Variants in LRRC4C observed in about 807,000 individuals in gnomAD.
LRRC4C encodes the protein leucine-rich repeat-containing protein 4C.
In LRRC4C, 5 loss-of-function variants were observed where a neutral mutation model predicts 33.6. The ratio of observed to expected loss-of-function variants is 0.15; its 90% confidence interval spans 0.08 to 0.31. The LOEUF is 0.31. LRRC4C is among the 10% of genes least tolerant of loss of function. The pLI is 1.00. For missense variants in LRRC4C, 560 were observed against 796.7 expected, an observed-to-expected ratio of 0.70 and a Z score of 3.58; for synonymous variants, 329 against 302.0, an observed-to-expected ratio of 1.09 and a Z score of -0.93.
chr11:40,372,033 A>G (rs1359329237), intron 3 of LRRC4C, among the ~76,000 whole-genome samples: 1 of 152,178 alleles, frequency 6.6e-6, no homozygotes, highest in African/African-American at 2.4e-5. Context: ...GGTTCATGAG[A>G]TGAAATAAAC....
chr11:40,491,035 G>A (rs527297095), intron 3 of LRRC4C, among the ~76,000 whole-genome samples: 3 of 152,224 alleles, frequency 2.0e-5, no homozygotes, highest in South Asian at 4.1e-4. Context: ...TGCAACTCCT[G>A]CACTTTGGAA....
chr11:40,801,534 A>G (rs1394345593), intron 2 of LRRC4C, among the ~76,000 whole-genome samples: 2 of 152,144 alleles, frequency 1.3e-5, no homozygotes, highest in East Asian at 1.9e-4. Context: ...TTTGTTTACC[A>G]CTGTATGCTG....
At chr11:40,916,950 A>G (rs1376797604) in intron 2 of LRRC4C, among the ~76,000 whole-genome samples, 2 of 152,152 alleles carry the variant, frequency 1.3e-5, no homozygotes, top group East Asian at 1.9e-4. Flanking sequence ...TTAGAAGAAA[A>G]CTAAATATAA....
intron 1 of LRRC4C, among the ~76,000 whole-genome samples, chr11:41,227,418 C>A (rs989234566): frequency 1.3e-4 from 20 of 152,110 alleles, no homozygotes; most frequent in African/African-American, 4.8e-4. Context: ...ATGAGAATTA[C>A]ATATTCCAAA....
chr11:41,344,494 A>T (rs928102167), intron 1 of LRRC4C, among the ~76,000 whole-genome samples: 6 of 152,190 alleles, frequency 3.9e-5, no homozygotes, highest in Admixed American at 1.3e-4. Flanking sequence ...TGCTGGGATT[A>T]CAGGCGTGAG....
rs200675477 is a variant in LRRC4C, at chr11:41,371,223, AT to A, written c.-496+88207del. Among the ~76,000 whole-genome samples the A allele has an allele frequency of 2.9e-3, 435 of 152,330 alleles. 1 individual carries two copies. Among genetic ancestry groups the A allele is most frequent in the African/African-American group, 8.7e-3 (362 of 41,576 alleles). On this transcript the variant is annotated intron_variant, in intron 1 of 6. Coordinates refer to ENST00000528697, the MANE Select transcript of LRRC4C (RefSeq NM_001258419.2). ...ACTCTTGGGAGCTATGACTGATAAA[AT>A]GTCCAAAACAATTTATTACATTTGA...
chr11:40,784,080 T>TTATA (rs10691904), intron 2 of LRRC4C, among the ~76,000 whole-genome samples: 230 of 150,742 alleles, frequency 1.5e-3, no homozygotes, highest in African/African-American at 3.1e-3. Flanking sequence ...AGATGTTTAT[T>TTATA]TATATATATA....
At chr11:40,342,016 T>C (rs1004789841) in intron 3 of LRRC4C, among the ~76,000 whole-genome samples, 1 of 149,362 alleles carries the variant, frequency 6.7e-6, no homozygotes, top group Admixed American at 6.7e-5. Context: ...AAAAACAAAA[T>C]AAGTCTTTTT....
chr11:40,988,717 T>C (rs1163316289), intron 1 of LRRC4C, among the ~76,000 whole-genome samples: 3 of 121,106 alleles, frequency 2.5e-5, no homozygotes, highest in African/African-American at 1.3e-4. Flanking sequence ...TCTTTTCTTT[T>C]TTTTTTTTTT....
chr11:40,702,744 C>T (rs1274272853), intron 2 of LRRC4C, among the ~76,000 whole-genome samples: 10 of 152,024 alleles, frequency 6.6e-5, no homozygotes, highest in Non-Finnish European at 4.4e-5. Context: ...GCATCTCCAT[C>T]TTTGAGCTAC....
intron 3 of LRRC4C, among the ~76,000 whole-genome samples, chr11:40,334,214 C>T (rs930818182): frequency 6.6e-6 from 1 of 151,958 alleles, no homozygotes; most frequent in Non-Finnish European, 1.5e-5. Context: ...GGTCTTAAGA[C>T]TGTTACATGA....
At chr11:41,251,540 A>C (rs762916137) in intron 1 of LRRC4C, among the ~76,000 whole-genome samples, 2 of 152,220 alleles carry the variant, frequency 1.3e-5, no homozygotes, top group African/African-American at 2.4e-5. Flanking sequence ...TAGCACTCAC[A>C]GCTTAATAGA....
intron 3 of LRRC4C, among the ~76,000 whole-genome samples, chr11:40,633,282 A>G (rs558764259): frequency 1.4e-5 from 2 of 140,974 alleles, no homozygotes; most frequent in African/African-American, 6.4e-5. Context: ...TGGGCTTTGC[A>G]ATAACAGGCC....
In LRRC4C at chr11:40,451,240, C is replaced by T. The variant is rs572253268; in HGVS notation, c.-269-131519G>A. On this transcript the variant is annotated intron_variant, in intron 3 of 6. Coordinates refer to ENST00000528697, the MANE Select transcript of LRRC4C (RefSeq NM_001258419.2). ...AAATTAGTGCATCAAAAGCCAGCTGCCTAGAAAACAGAAAAAAATTGATAA... is the reference window on the plus strand; with the variant it reads ...AAATTAGTGCATCAAAAGCCAGCTGTCTAGAAAACAGAAAAAAATTGATAA... Among the ~76,000 whole-genome samples the T allele has an allele frequency of 1.3e-4, 20 of 151,040 alleles. No homozygotes were observed. The South Asian group carries it at 4.0e-3, about 30-fold the overall frequency.
chr11:40,322,251 C>CTTTTTT (rs562117201), intron 3 of LRRC4C, among the ~76,000 whole-genome samples: 1 of 149,692 alleles, frequency 6.7e-6, no homozygotes, highest in Non-Finnish European at 1.5e-5. Flanking sequence ...AAGAAATTCA[C>CTTTTTT]TTTTTTTTTT....
chr11:40,369,346 GTTGT>G (rs1273915582), intron 3 of LRRC4C, among the ~76,000 whole-genome samples: 5 of 151,988 alleles, frequency 3.3e-5, no homozygotes, highest in Non-Finnish European at 5.9e-5. Flanking sequence ...TGTTGTTGTT[GTTGT>G]TTGTTTGTTT....
intron 1 of LRRC4C, among the ~76,000 whole-genome samples, chr11:41,061,849 T>C (rs1004061658): frequency 2.6e-5 from 4 of 152,188 alleles, no homozygotes; most frequent in African/African-American, 9.7e-5. Context: ...TTAGATCTCC[T>C]GTACTTAGAA....
chr11:40,222,938 T>G (rs1157316612), intron 5 of LRRC4C, among the ~76,000 whole-genome samples: 1 of 152,046 alleles, frequency 6.6e-6, no homozygotes, highest in East Asian at 1.9e-4. Flanking sequence ...AGGGAACACT[T>G]TAGCAAGAGC....
At chr11:41,307,007 T>C (rs1446063459) in intron 1 of LRRC4C, among the ~76,000 whole-genome samples, 1 of 152,164 alleles carries the variant, frequency 6.6e-6, no homozygotes, top group African/African-American at 2.4e-5. Context: ...AGTTTGAACT[T>C]TGGCTTTGTT....
Sources: gnomAD v4.1 joint callset for allele counts (sites outside exome capture counted in the v4.1 genomes callset) on GRCh38, gnomAD v4.1.1 for gene constraint, MANE v1.5 for transcripts, NCBI Gene and HGNC (gene_info 2026-07-23, HGNC 2026-07-21) for gene names.